Variants in ZC3H12C observed in about 807,000 individuals in gnomAD.
The protein encoded by ZC3H12C is zinc finger CCCH-type containing 12C.
In ZC3H12C, 20 loss-of-function variants were observed where a neutral mutation model predicts 76.3. That is an observed-to-expected ratio of 0.26 (90% CI 0.18 to 0.38). The LOEUF is 0.38. Among genes scored for constraint, ZC3H12C ranks in the 10% least tolerant of loss-of-function variants. The probability of loss-of-function intolerance (pLI) is 1.00; values close to 1 mark genes in which losing one functional copy is unlikely to be tolerated. For missense variants in ZC3H12C, 874 were observed against 1,086.5 expected (o/e 0.80, Z 2.75); for synonymous variants, 352 against 399.6 (o/e 0.88, Z 1.42).
At chr11:110,158,211 A>G (rs958019260) in intron 3 of ZC3H12C, among the ~76,000 whole-genome samples, 3 of 152,194 alleles carry the variant, frequency 2.0e-5, no homozygotes, top group African/African-American at 7.2e-5. Context: ...ACAAAGTGCT[A>G]TAAGAGTATG....
rs551642225 is a variant in ZC3H12C, at chr11:110,109,169, A to G, written c.21+15737A>G. On this transcript the variant is annotated intron_variant, in intron 1 of 5. Transcript: ENST00000278590. ...TCATAGACCAGTTGGGATGCCTTCA[A>G]TCTTCAGTGTTGTAGGATAATCTAA... is the stretch of plus-strand genomic sequence containing the variant. Among the ~76,000 whole-genome samples, 62 of 152,308 alleles carry G rather than the reference A, an allele frequency of 4.1e-4. No homozygotes were observed. In the Middle Eastern group the frequency reaches 0.01, roughly 25 times the overall value.
intron 1 of ZC3H12C, among the ~76,000 whole-genome samples, chr11:110,130,688 T>G (rs1290541390): frequency 6.6e-6 from 1 of 152,230 alleles, no homozygotes; most frequent in Non-Finnish European, 1.5e-5. Context: ...AACTGAAGTC[T>G]GCCCAAGCCA....
Position 110,093,410 on chromosome 11 carries a change from C to T in ZC3H12C, c.-2C>T. On this transcript the variant is annotated 5_prime_UTR_variant, in exon 1 of 6. Transcript: ENST00000278590. ...GCTCGCCGCTTTCTCGCGGGGCTGG[C>T]TATGCCGGGTGGCGGCTCCCAGGTT... 8.3e-7 allele frequency: 1 copy of T among 1,198,024 alleles called. No individual in the cohort carries two copies. The highest frequency in any genetic ancestry group is 1.0e-6 in the Non-Finnish European group (1 of 963,840). The allele number at this position is 1,198,024 out of a possible 1,614,324, so 74.2% of individuals were successfully genotyped here. A position where few individuals can be genotyped will look rare whatever the true frequency, so the allele number is the denominator to read the frequency against.
chr11:110,119,748 C>T (rs1024467252), intron 1 of ZC3H12C, among the ~76,000 whole-genome samples: 2 of 152,238 alleles, frequency 1.3e-5, no homozygotes, highest in African/African-American at 4.8e-5. Flanking sequence ...TCCTCTTCCT[C>T]ATCAGTGGGG....
Position 110,093,452 on chromosome 11 carries a change from G to A in ZC3H12C, c.21+20G>A. The A allele has an allele frequency of 1.7e-6, 2 of 1,205,356 alleles. No homozygotes were observed. Among genetic ancestry groups the A allele is most frequent in the East Asian group, 3.6e-5 (1 of 28,134 alleles). The allele number at this position is 1,205,356 out of a possible 1,614,324, so 74.7% of individuals were successfully genotyped here. A position where few individuals can be genotyped will look rare whatever the true frequency, so the allele number is the denominator to read the frequency against. On this transcript the variant is annotated intron_variant, in intron 1 of 5. Coordinates refer to ENST00000278590, the MANE Select transcript of ZC3H12C (RefSeq NM_033390.2). Reference sequence around the variant, plus strand: ...TCCCAGGTTTGTCCTCGGGAAGGGGGTGGGGGACGCGGACCGCGGCGAGAG... The same window carrying A: ...TCCCAGGTTTGTCCTCGGGAAGGGGATGGGGGACGCGGACCGCGGCGAGAG...
intron 1 of ZC3H12C, among the ~76,000 whole-genome samples, chr11:110,126,461 C>G (rs1209169018): frequency 1.3e-5 from 2 of 152,084 alleles, no homozygotes; most frequent in Non-Finnish European, 2.9e-5. Context: ...CTCAAGCAGT[C>G]CTCCTGCCTC....
chr11:110,123,417 G>A (rs1357337619), intron 1 of ZC3H12C, among the ~76,000 whole-genome samples: 1 of 152,192 alleles, frequency 6.6e-6, no homozygotes, highest in Non-Finnish European at 1.5e-5. Flanking sequence ...TGGGATATGA[G>A]TTATATTTTC....
intron 1 of ZC3H12C, among the ~76,000 whole-genome samples, chr11:110,093,717 C>G (rs1272063498): frequency 6.6e-6 from 1 of 152,044 alleles, no homozygotes; most frequent in Non-Finnish European, 1.5e-5. Flanking sequence ...CCGGGCTTCC[C>G]GGCCCCGCGG....
chr11:110,129,868 C>T (rs995813019), intron 1 of ZC3H12C, among the ~76,000 whole-genome samples: 1 of 151,938 alleles, frequency 6.6e-6, no homozygotes, highest in Non-Finnish European at 1.5e-5. Context: ...ATAACTTACG[C>T]AGCCCACAAA....
intron 1 of ZC3H12C, among the ~76,000 whole-genome samples, chr11:110,112,705 T>C (rs1451080873): frequency 6.6e-6 from 1 of 152,082 alleles, no homozygotes; most frequent in Non-Finnish European, 1.5e-5. Context: ...CACTCTCCAC[T>C]CCCAGTCAGT....
intron 2 of ZC3H12C, among the ~76,000 whole-genome samples, chr11:110,143,419 T>G (rs1459116896): frequency 6.6e-6 from 1 of 152,032 alleles, no homozygotes; most frequent in East Asian, 1.9e-4. Context: ...AGATGGTTTA[T>G]GTATAATCAG....
chr11:110,154,786 T>A (rs1343280149), intron 3 of ZC3H12C, among the ~76,000 whole-genome samples: 13 of 36,824 alleles, frequency 3.5e-4, no homozygotes, highest in Admixed American at 2.5e-3. Flanking sequence ...GAAAAAAAAA[T>A]CCAACAAAGA....
rs779103613 is a variant in ZC3H12C at position 110,165,282 on chromosome 11, C to T, written c.2197C>T (p.His733Tyr). The T allele has an allele frequency of 1.5e-5, 25 of 1,613,906 alleles. No homozygotes were observed. In the Admixed American group the frequency reaches 4.2e-4, roughly 27 times the overall value. Residue 733 changes from histidine to tyrosine, a missense_variant, in exon 6 of 6, where the codon CAC becomes TAC. Physicochemically the swap from His to Tyr is moderately conservative, Grantham distance 83 (BLOSUM62 2). Coordinates refer to ENST00000278590, the MANE Select transcript of ZC3H12C (RefSeq NM_033390.2). ...GDYPSPPSSA[H>Y]SKAPHLGRSL... The stretch of plus-strand genomic sequence containing the variant: ...CTACCCCTCTCCTCCAAGTTCAGCA[C>T]ACTCTAAGGCACCACACCTAGGGAG...
Position 110,165,071 on chromosome 11 carries a change from T to G in ZC3H12C, c.1986T>G (p.Cys662Trp). 1 of 1,613,746 alleles carries G rather than the reference T, an allele frequency of 6.2e-7. No homozygotes were observed. Among genetic ancestry groups the G allele is most frequent in the South Asian group, 1.1e-5 (1 of 91,080 alleles). The change falls in exon 6 of 6, where the codon TGT (cysteine) becomes TGG (tryptophan). Residue 662 changes from cysteine (C) to tryptophan (W), a missense_variant. Coordinates refer to ENST00000278590, the MANE Select transcript of ZC3H12C (RefSeq NM_033390.2). ...PDPQLEENLK[C>W]QHMHPHSRLN... ...CACAGCTAGAGGAGAATTTGAAGTG[T>G]CAACACATGCACCCTCACAGCCGCC...
At chr11:110,149,554 G>A (rs1862232299) in intron 2 of ZC3H12C, among the ~76,000 whole-genome samples, 1 of 152,082 alleles carries the variant, frequency 6.6e-6, no homozygotes, top group South Asian at 2.1e-4. Context: ...ACACATTCTT[G>A]GCAACATCTG....
chr11:110,125,122 G>A (rs1014495962), intron 1 of ZC3H12C, among the ~76,000 whole-genome samples: 2 of 152,116 alleles, frequency 1.3e-5, no homozygotes, highest in African/African-American at 2.4e-5. Context: ...AAGGAAAATG[G>A]GGAATGAGAT....
chr11:110,119,161 G>T (rs917312202), intron 1 of ZC3H12C, among the ~76,000 whole-genome samples: 43 of 152,218 alleles, frequency 2.8e-4, no homozygotes, highest in Non-Finnish European at 3.5e-4. Context: ...AAAGATCAGT[G>T]GAACACAACT....
At chr11:110,124,402 C>T (rs1861703094) in intron 1 of ZC3H12C, 1 of 152,092 alleles carries the variant, frequency 6.6e-6, no homozygotes, top group Admixed American at 6.5e-5. Flanking sequence ...GAGATCAGCA[C>T]ACTGCTGCAT....
intron 1 of ZC3H12C, among the ~76,000 whole-genome samples, chr11:110,117,758 T>TAC (rs149449800): frequency 1.5e-5 from 2 of 132,980 alleles, no homozygotes; most frequent in African/African-American, 2.8e-5. Flanking sequence ...ATATTATATA[T>TAC]ACACACACAC....
Sources: allele counts gnomAD v4.1 joint callset (sites outside exome capture counted in the v4.1 genomes callset), GRCh38; gene constraint gnomAD v4.1.1; transcripts MANE v1.5; gene names NCBI Gene and HGNC (gene_info 2026-07-23, HGNC 2026-07-21).